The following NOM1 variants were observed in gnomAD, a reference collection of about 807,000 sequenced individuals.
NOM1 encodes the protein nucleolar MIF4G domain-containing protein 1.
Under a neutral mutation model 73.3 loss-of-function variants are expected in NOM1, and 58 were observed. The ratio of observed to expected loss-of-function variants is 0.79; its 90% CI spans 0.64 to 0.99. The LOEUF is 0.99. Among genes scored for constraint, NOM1 ranks in the 50% least tolerant of loss-of-function variants. The pLI is 0.00. For synonymous variants in NOM1, 487 were observed against 446.8 expected, an observed-to-expected ratio of 1.09 and a Z score of -1.14; for missense variants, 1,226 against 1,131.9, an observed-to-expected ratio of 1.08 and a Z score of -1.19.
At chr7:156,960,509 G>C (rs1032082267) in intron 4 of NOM1, among the ~76,000 whole-genome samples, 1 of 152,166 alleles carries the variant, frequency 6.6e-6, no homozygotes, top group Non-Finnish European at 1.5e-5. Context: ...CTGAGCCTCA[G>C]TTTCCCCCTC....
Position 156,963,040 on chromosome 7 carries a change from G to C in NOM1, c.1776G>C (p.Gln592His). ...ACGCCGGCTCAGGTTCTGAGACGCAGCTTCGCGTCTCCTGGGACAGTGTCT... is the reference window on the plus strand; with the variant it reads ...ACGCCGGCTCAGGTTCTGAGACGCACCTTCGCGTCTCCTGGGACAGTGTCT... ...VRNAGSGSET[Q>H]LRVSWDSVLS... Residue 592 changes from glutamine (Q) to histidine (H), a missense_variant, in exon 6 of 11, where the codon CAG (glutamine) becomes CAC (histidine). Coordinates refer to ENST00000275820, the MANE Select transcript of NOM1 (RefSeq NM_138400.2). 6.2e-7 allele frequency: 1 copy of C among 1,613,650 alleles called. No homozygotes were observed. The highest frequency in any genetic ancestry group is 8.5e-7 in the Non-Finnish European group (1 of 1,179,564).
chr7:156,968,066 C>T (rs977235015), intron 9 of NOM1, among the ~76,000 whole-genome samples: 1 of 152,200 alleles, frequency 6.6e-6, no homozygotes, highest in Non-Finnish European at 1.5e-5. Flanking sequence ...CATGCCGGCT[C>T]CAGTTCACCC....
chr7:156,959,776 G>T, intron 3 of NOM1, 75 bp from the exon 4 acceptor site: 1 of 1,382,650 alleles, frequency 7.2e-7, no homozygotes, highest in Middle Eastern at 1.8e-4. Flanking sequence ...TTTAGAAAGT[G>T]CCAGTTCTGT....
chr7:156,965,729 A>G (rs1441080748), intron 7 of NOM1, among the ~76,000 whole-genome samples: 1 of 152,204 alleles, frequency 6.6e-6, no homozygotes, highest in Non-Finnish European at 1.5e-5. Flanking sequence ...CAGCCTGGCC[A>G]ACATGGCAAA....
At chr7:156,958,064 G>C (rs1804771224) in intron 3 of NOM1, among the ~76,000 whole-genome samples, 1 of 141,682 alleles carries the variant, frequency 7.1e-6, no homozygotes, top group African/African-American at 2.5e-5. Context: ...CCAGTCTGTT[G>C]CCTTTCTCTG....
chr7:156,951,967 A>G (rs1019706692), intron 1 of NOM1, among the ~76,000 whole-genome samples: 1 of 152,098 alleles, frequency 6.6e-6, no homozygotes, highest in African/African-American at 2.4e-5. Flanking sequence ...CAGCGTCCCA[A>G]AGTGCTGGGA....
Position 156,960,143 on chromosome 7 carries a change from G to C in NOM1, c.1601G>C (p.Gly534Ala). 1.9e-6 allele frequency: 3 copies of C among 1,613,598 alleles called. No individual in the cohort carries two copies. Among genetic ancestry groups the C allele is most frequent in the Non-Finnish European group, 2.5e-6 (3 of 1,179,926 alleles). The change falls in exon 4 of 11, where the codon GGG becomes GCG. Residue 534 changes from glycine to alanine, a missense_variant. Gly to Ala is a moderately conservative substitution (Grantham distance 60). Transcript: ENST00000275820. ...LITEAQTKAS[G>A]AGSEFQDQTR... ...ACTGAAGCCCAGACCAAAGCCAGCG[G>C]GGCAGGCAGCGAGTTTCAGGACCAG...
Position 156,952,506 on chromosome 7 carries a change from A to G in NOM1, c.1020A>G (p.Pro340=). The G allele has an allele frequency of 6.2e-7, 1 of 1,613,990 alleles. No homozygotes were observed. The highest frequency in any genetic ancestry group is 8.5e-7 in the Non-Finnish European group (1 of 1,179,926). The part of the protein sequence containing the change: ...SLCGSGEKYI[P]PHVRQAEETV... ...GTGGAAGTGGTGAAAAGTACATCCCACCTCATGTGAGGCAAGCTGAGGAGA... is the reference window on the plus strand; with the variant it reads ...GTGGAAGTGGTGAAAAGTACATCCCGCCTCATGTGAGGCAAGCTGAGGAGA... The change falls in exon 2 of 11, where the codon CCA becomes CCG. Residue 340 remains proline (P), a synonymous_variant. Transcript: ENST00000275820.
At chr7:156,966,832 C>T in intron 8 of NOM1, 129 bp from the exon 9 acceptor site, 14 of 1,023,452 alleles carry the variant, frequency 1.4e-5, no homozygotes, top group Non-Finnish European at 1.9e-5. Flanking sequence ...GAGGCCACCA[C>T]TAAAAGTCTT....
chr7:156,966,208 G>T (rs1254401137), intron 7 of NOM1, 62 bp from the exon 8 acceptor site: 5 of 1,596,684 alleles, frequency 3.1e-6, no homozygotes, highest in Non-Finnish European at 4.3e-6. Context: ...CCCCTGAAAG[G>T]TATCAGCCAT....
In NOM1 at chr7:156,959,967, C is replaced by G; in HGVS notation, c.1425C>G (p.Phe475Leu). 1 of 1,613,244 alleles carries G rather than the reference C, an allele frequency of 6.2e-7. No individual in the cohort carries two copies. The highest frequency in any genetic ancestry group is 2.2e-5 in the East Asian group (1 of 44,834). ...CCGTCATTGCCCATTTATACAACTT[C>G]CACGTGGTACAGTCTCTCCTCATCT... ...LFTVIAHLYN[F>L]HVVQSLLIFD... Residue 475 changes from phenylalanine to leucine, a missense_variant, in exon 4 of 11, where the codon TTC becomes TTG. Coordinates refer to ENST00000275820, the MANE Select transcript of NOM1 (RefSeq NM_138400.2).
Position 156,969,789 on chromosome 7 carries a change from A to C in NOM1, c.*86A>C. On this transcript the variant is annotated 3_prime_UTR_variant, in exon 11 of 11. Coordinates refer to ENST00000275820, the MANE Select transcript of NOM1 (RefSeq NM_138400.2). ...GGCTTATTCTGTTGCCTGCGTGTGA[A>C]TGTTTGGTAGAGCTATATCATTGTC... 2 of 1,304,792 alleles carry C rather than the reference A, an allele frequency of 1.5e-6. No individual in the cohort carries two copies. Among genetic ancestry groups the C allele is most frequent in the South Asian group, 3.0e-5 (2 of 67,038 alleles). 80.8% of individuals were successfully genotyped at this position (1,304,792 alleles called of 1,614,324 possible). A position where few individuals can be genotyped will look rare whatever the true frequency, so the allele number is the denominator to read the frequency against.
chr7:156,967,750 C>T (rs1377187988), intron 9 of NOM1, among the ~76,000 whole-genome samples: 2 of 152,112 alleles, frequency 1.3e-5, no homozygotes, highest in African/African-American at 2.4e-5. Context: ...GTCTGGAACC[C>T]CTGACCTTGT....
In NOM1 at chr7:156,969,628, C is replaced by T. The variant is rs549555494; in HGVS notation, c.2508C>T (p.Asp836=). 8.1e-6 allele frequency: 13 copies of T among 1,614,022 alleles called. No individual in the cohort carries two copies. The highest frequency in any genetic ancestry group is 6.7e-5 in the African/African-American group (5 of 75,004). Residue 836 remains aspartate (D), a synonymous_variant, in exon 11 of 11, where the codon GAC becomes GAT. Transcript: ENST00000275820. ...ACGCACAGGCCCACAGAAGCGCCGA[C>T]GAAGCCAACGTGCTGAGAGAGAAAG... is the stretch of plus-strand genomic sequence containing the variant. The part of the protein sequence containing the change: ...LKNAQAHRSA[D]EANVLREKAD...
In NOM1 at chr7:156,963,082, G is replaced by C. The variant is rs561047627; in HGVS notation, c.1818G>C (p.Thr606=). ...ACAGTGTCTTGAGTGCGGAGCAGAC[G>C]GGTCGCTGGTGGATTGTGGGGTCCG... ...SWDSVLSAEQ[T]GRWWIVGSAW... is the part of the protein sequence containing the mutation. The change falls in exon 6 of 11, where the codon ACG becomes ACC. Residue 606 remains threonine, a synonymous_variant. Coordinates refer to ENST00000275820, the MANE Select transcript of NOM1 (RefSeq NM_138400.2). The C allele has an allele frequency of 1.9e-5, 30 of 1,614,052 alleles. No individual in the cohort carries two copies. Among genetic ancestry groups the C allele is most frequent in the Non-Finnish European group, 2.5e-5 (30 of 1,180,030 alleles).
chr7:156,951,648 C>G (rs914448946), intron 1 of NOM1, among the ~76,000 whole-genome samples: 1 of 152,118 alleles, frequency 6.6e-6, no homozygotes, highest in African/African-American at 2.4e-5. Flanking sequence ...TGTTTGTGTC[C>G]TTAATGATTT....
chr7:156,959,106 CTTTT>C (rs5888696), intron 3 of NOM1, among the ~76,000 whole-genome samples: 1 of 147,116 alleles, frequency 6.8e-6, no homozygotes, highest in Non-Finnish European at 1.5e-5. Flanking sequence ...GGTAGTGGAA[CTTTT>C]TTTTTTTTTT....
In NOM1 at chr7:156,966,413, G is replaced by A. The variant is rs1425265808; in HGVS notation, c.2166+11G>A. 6.2e-7 allele frequency: 1 copy of A among 1,613,966 alleles called. No homozygotes were observed. Among genetic ancestry groups the A allele is most frequent in the East Asian group, 2.2e-5 (1 of 44,886 alleles). On this transcript the variant is annotated intron_variant, in intron 8 of 10. Transcript: ENST00000275820. ...GAAAGGAGATTTCAGGTAGCTTAGT[G>A]CGGAGGCACCAGTTACGTCCGCTCT...
Position 156,970,935 on chromosome 7 carries a change from A to T in NOM1, c.*1232A>T, listed in dbSNP as rs1284132032. The T allele has an allele frequency of 6.6e-6, 1 of 152,198 alleles. No homozygotes were observed. Among genetic ancestry groups the T allele is most frequent in the Non-Finnish European group, 1.5e-5 (1 of 68,042 alleles). The allele number at this position is 152,198 out of a possible 1,614,324, so 9.4% of individuals were successfully genotyped here. On this transcript the variant is annotated 3_prime_UTR_variant, in exon 11 of 11. Coordinates refer to ENST00000275820, the MANE Select transcript of NOM1 (RefSeq NM_138400.2). Reference sequence around the variant, plus strand: ...GAGGTCACCAAACAGTAGTTATTTGACTGTTAATAGGTGCTACTTGCTTGC... The same window carrying T: ...GAGGTCACCAAACAGTAGTTATTTGTCTGTTAATAGGTGCTACTTGCTTGC...
Sources: gnomAD v4.1 joint callset for allele counts (sites outside exome capture counted in the v4.1 genomes callset) on GRCh38, gnomAD v4.1.1 for gene constraint, MANE v1.5 for transcripts, NCBI Gene and HGNC (gene_info 2026-07-23, HGNC 2026-07-21) for gene names.